MINDY3: variants seen among roughly 807,000 people sequenced by gnomAD.
The protein encoded by MINDY3 is MINDY lysine 48 deubiquitinase 3.
A neutral mutation model predicts 69.2 loss-of-function variants in MINDY3; 38 were observed. That is an observed-to-expected ratio of 0.55 (90% CI 0.42 to 0.72). MINDY3 has a LOEUF of 0.72. Among genes scored for constraint, MINDY3 ranks in the 30% least tolerant of loss-of-function variants. The probability of loss-of-function intolerance (pLI) is 0.00; values close to 1 mark genes in which losing one functional copy is unlikely to be tolerated. For synonymous variants in MINDY3, 192 were observed against 180.1 expected (o/e 1.07, Z -0.53); for missense variants, 522 against 519.0 (o/e 1.01, Z -0.06).
At chr10:15,854,812 T>C (rs1443188401) in intron 1 of MINDY3, among the ~76,000 whole-genome samples, 1 of 151,968 alleles carries the variant, frequency 6.6e-6, no homozygotes, top group East Asian at 1.9e-4. Flanking sequence ...AGAACTGGAA[T>C]AGAGAAGATA....
chr10:15,789,614 A>T (rs1385771154), intron 11 of MINDY3, among the ~76,000 whole-genome samples: 1 of 152,154 alleles, frequency 6.6e-6, no homozygotes, highest in Non-Finnish European at 1.5e-5. Flanking sequence ...AGTGGGTAAA[A>T]TATTTTTCTA....
intron 8 of MINDY3, among the ~76,000 whole-genome samples, chr10:15,824,715 T>C (rs1839978363): frequency 6.6e-6 from 1 of 152,204 alleles, no homozygotes; most frequent in Non-Finnish European, 1.5e-5. Context: ...TACCACCACC[T>C]AGTGTTACAA....
intron 10 of MINDY3, among the ~76,000 whole-genome samples, chr10:15,804,874 T>G (rs1034220862): frequency 6.6e-6 from 1 of 152,126 alleles, no homozygotes; most frequent in Non-Finnish European, 1.5e-5. Flanking sequence ...TCTCTTATTC[T>G]TCCATTATTT....
At chr10:15,809,528 C>T (rs1157189259) in intron 10 of MINDY3, among the ~76,000 whole-genome samples, 33 of 152,130 alleles carry the variant, frequency 2.2e-4, no homozygotes, top group Admixed American at 2.2e-3. Flanking sequence ...GACCTTTGTT[C>T]TGCCACAGCT....
At chr10:15,838,930 C>T (rs922841275) in intron 4 of MINDY3, among the ~76,000 whole-genome samples, 1 of 151,654 alleles carries the variant, frequency 6.6e-6, no homozygotes, top group African/African-American at 2.4e-5. Flanking sequence ...TGTCTTACCT[C>T]ATTTAATCCT....
At chr10:15,850,292 A>G (rs1349444518) in intron 1 of MINDY3, among the ~76,000 whole-genome samples, 1 of 152,218 alleles carries the variant, frequency 6.6e-6, no homozygotes, top group African/African-American at 2.4e-5. Flanking sequence ...TGTTTGAACA[A>G]TATGAAATTT....
chr10:15,837,628 G>A, intron 5 of MINDY3: 1 of 1,256,978 alleles, frequency 8.0e-7, no homozygotes, highest in Non-Finnish European at 1.0e-6. Context: ...AGAATAGAGT[G>A]GCCTTCTTGT....
chr10:15,858,873 G>GT (rs1426308159), intron 1 of MINDY3, among the ~76,000 whole-genome samples: 2 of 152,244 alleles, frequency 1.3e-5, no homozygotes, highest in East Asian at 3.9e-4. Context: ...AAAGTGGGAA[G>GT]TGTTAAAATA....
intron 2 of MINDY3, among the ~76,000 whole-genome samples, chr10:15,846,915 G>A (rs542666973): frequency 2.2e-3 from 341 of 152,054 alleles, no homozygotes; most frequent in Middle Eastern, 6.8e-3. Context: ...AGTAGAGACG[G>A]GGTTTCACCA....
chr10:15,804,895 G>A (rs546036979), intron 10 of MINDY3, among the ~76,000 whole-genome samples: 24 of 152,162 alleles, frequency 1.6e-4, no homozygotes, highest in African/African-American at 3.9e-4. Context: ...TCCAAATAAC[G>A]TGTAAAGCCC....
chr10:15,844,761 G>A (rs1833713294), intron 2 of MINDY3, among the ~76,000 whole-genome samples: 3 of 152,088 alleles, frequency 2.0e-5, no homozygotes, highest in South Asian at 4.1e-4. Flanking sequence ...GTACTATATA[G>A]CAGTATATGA....
rs542136461 is a variant in MINDY3 at position 15,798,605 on chromosome 10, C to G, written c.883-2433G>C. On this transcript the variant is annotated intron_variant, in intron 10 of 14. Coordinates refer to ENST00000277632, the MANE Select transcript of MINDY3 (RefSeq NM_024948.4). ...GACCAGACTGGCCAACATGGTGAAACCCCATCTCTACTACAAATACAAAAA... is the reference window on the plus strand; with the variant it reads ...GACCAGACTGGCCAACATGGTGAAAGCCCATCTCTACTACAAATACAAAAA... 2.0e-5 allele frequency among the ~76,000 whole-genome samples: 3 copies of G among 152,002 alleles called. No homozygotes were observed. The South Asian group carries it at 6.2e-4, about 32-fold the overall frequency.
intron 8 of MINDY3, among the ~76,000 whole-genome samples, chr10:15,830,951 A>G (rs1840415724): frequency 6.6e-6 from 1 of 152,206 alleles, no homozygotes. Context: ...CAGGGAAGAG[A>G]ATCACATTTA....
chr10:15,845,923 A>G (rs1833810225), intron 2 of MINDY3, among the ~76,000 whole-genome samples: 1 of 148,292 alleles, frequency 6.7e-6, no homozygotes, highest in Non-Finnish European at 1.5e-5. Flanking sequence ...TCTGGTTTCA[A>G]GTGATTCTCC....
At chr10:15,838,091 C>T in intron 5 of MINDY3, 137 bp downstream of exon 5, 1 of 1,281,278 alleles carries the variant, frequency 7.8e-7, no homozygotes, top group Non-Finnish European at 9.9e-7. Context: ...CAAATTAATC[C>T]TGAAGCAATG....
chr10:15,848,987 TA>T, intron 1 of MINDY3, among the ~76,000 whole-genome samples: 1 of 152,364 alleles, frequency 6.6e-6, no homozygotes, highest in East Asian at 1.9e-4. Context: ...GCCAATCATC[TA>T]GGATATATGC....
rs182431197 is a variant in MINDY3 at position 15,809,143 on chromosome 10, A to T, written c.882+7692T>A. On this transcript the variant is annotated intron_variant, in intron 10 of 14. Transcript: ENST00000277632. ...CCCAAATAAATTATTCTTAAAACCC[A>T]AGTATAAAAATAAAAGATGAAGAAT... is the stretch of plus-strand genomic sequence containing the variant. 3.7e-3 allele frequency among the ~76,000 whole-genome samples: 560 copies of T among 152,288 alleles called. 6 individuals are homozygous for T. Among genetic ancestry groups the T allele is most frequent in the African/African-American group, 0.013 (539 of 41,570 alleles).
At chr10:15,801,349 AC>A (rs1359275505) in intron 10 of MINDY3, among the ~76,000 whole-genome samples, 1 of 152,146 alleles carries the variant, frequency 6.6e-6, no homozygotes, top group Non-Finnish European at 1.5e-5. Flanking sequence ...GGAAAAGATA[AC>A]ACCAGCTGCC....
At chr10:15,848,575 A>ACTGAG (rs1019334029) in intron 1 of MINDY3, among the ~76,000 whole-genome samples, 5 of 134,872 alleles carry the variant, frequency 3.7e-5, no homozygotes, top group Non-Finnish European at 7.7e-5. Context: ...CGGAGCTTGC[A>ACTGAG]CTGAGCTGAG....
Sources: allele counts gnomAD v4.1 joint callset (sites outside exome capture counted in the v4.1 genomes callset), GRCh38; gene constraint gnomAD v4.1.1; transcripts MANE v1.5; gene names NCBI Gene and HGNC (gene_info 2026-07-23, HGNC 2026-07-21).